Variants in SLC35E1 observed in about 807,000 individuals in gnomAD.
SLC35E1 encodes the protein solute carrier family 35, member E1.
A neutral mutation model predicts 31.0 loss-of-function variants in SLC35E1; 12 were observed. The ratio of observed to expected loss-of-function variants is 0.39; its 90% CI spans 0.25 to 0.63. The LOEUF is 0.63. Ranked by LOEUF, SLC35E1 falls within the 20% of genes least tolerant of loss-of-function variation. SLC35E1 has a pLI of 0.52. For missense variants in SLC35E1, 429 were observed against 572.2 expected (o/e 0.75, Z 2.55); for synonymous variants, 257 against 264.1 (o/e 0.97, Z 0.26).
Position 16,553,475 on chromosome 19 carries a change from T to C in SLC35E1, c.*204A>G, listed in dbSNP as rs1599761373. On this transcript the variant is annotated 3_prime_UTR_variant, in exon 6 of 6. Transcript: ENST00000595753. ...ATGAGACACTGGTCTCTGTTTAGGT[T>C]TGCCCAGAGCTCACGGCCGTCTGCA... 4.9e-6 allele frequency: 2 copies of C among 409,694 alleles called. No individual in the cohort carries two copies. The highest frequency in any genetic ancestry group is 7.4e-5 in the East Asian group (2 of 27,076). The allele number at this position is 409,694 out of a possible 1,614,324, so 25.4% of individuals were successfully genotyped here. A position where few individuals can be genotyped will look rare whatever the true frequency, so the allele number is the denominator to read the frequency against.
chr19:16,553,941 A>G, intron 5 of SLC35E1, 32 bp from the exon 6 acceptor site: 2 of 1,547,678 alleles, frequency 1.3e-6, no homozygotes, highest in Non-Finnish European at 1.8e-6. Flanking sequence ...GAGACAGGAC[A>G]TGCCCGGGGC....
At chr19:16,563,984 G>C (rs547945414) in intron 4 of SLC35E1, among the ~76,000 whole-genome samples, 1 of 152,334 alleles carries the variant, frequency 6.6e-6, no homozygotes, top group East Asian at 1.9e-4. Flanking sequence ...CAAAGATCTG[G>C]ACTGTTCAAC....
chr19:16,565,257 C>T (rs1235929989), intron 4 of SLC35E1: 2 of 397,356 alleles, frequency 5.0e-6, no homozygotes, highest in African/African-American at 2.1e-5. Context: ...GTTGCCCAGG[C>T]TGGAGTGCAG....
chr19:16,550,235 A>G lies in SLC35E1; in HGVS notation c.*3444T>C, dbSNP rs1290462300. ...CATGGTGAACAAACATGATTCAGAA[A>G]TGCCTCCTTCTATAAAATGAAGGAG... is the stretch of plus-strand genomic sequence containing the variant. On this transcript the variant is annotated 3_prime_UTR_variant, in exon 6 of 6. Coordinates refer to ENST00000595753, the MANE Select transcript of SLC35E1 (RefSeq NM_024881.5). 2 of 152,222 alleles carry G rather than the reference A, an allele frequency of 1.3e-5. No homozygotes were observed. The highest frequency in any genetic ancestry group is 4.8e-5 in the African/African-American group (2 of 41,448). The allele number at this position is 152,222 out of a possible 1,614,324, so 9.4% of individuals were successfully genotyped here.
Position 16,555,008 on chromosome 19 carries a change from G to T in SLC35E1, c.1002+144C>A. On this transcript the variant is annotated intron_variant, in intron 5 of 5. Transcript: ENST00000595753. The surrounding 1 kb of genome is among the most constrained non-coding windows in gnomAD (Gnocchi z 4.1). The stretch of plus-strand genomic sequence containing the variant: ...GAAAAAGGAAGCCAGAGTGGGATGG[G>T]GCTACGCCAAGATCATAAACCAGTC... 1.6e-6 allele frequency: 2 copies of T among 1,231,990 alleles called. No individual in the cohort carries two copies. The highest frequency in any genetic ancestry group is 2.2e-6 in the Non-Finnish European group (2 of 907,642). 76.3% of individuals were successfully genotyped at this position (1,231,990 alleles called of 1,614,324 possible). A position where few individuals can be genotyped will look rare whatever the true frequency, so the allele number is the denominator to read the frequency against.
Position 16,572,141 on chromosome 19 carries a change from G to C in SLC35E1, c.224C>G (p.Pro75Arg), listed in dbSNP as rs1248132587. 6.6e-7 allele frequency: 1 copy of C among 1,511,022 alleles called. No individual in the cohort carries two copies. Among genetic ancestry groups the C allele is most frequent in the African/African-American group, 1.5e-5 (1 of 68,546 alleles). The allele number at this position is 1,511,022 out of a possible 1,614,324, so 93.6% of individuals were successfully genotyped here. A position where few individuals can be genotyped will look rare whatever the true frequency, so the allele number is the denominator to read the frequency against. The change falls in exon 1 of 6, where the codon CCG (proline) becomes CGG (arginine). Residue 75 changes from proline to arginine, a missense_variant. Coordinates refer to ENST00000595753, the MANE Select transcript of SLC35E1 (RefSeq NM_024881.5). The surrounding 1 kb of genome is among the most constrained non-coding windows in gnomAD (Gnocchi z 4.1). ...GGGCACGCGCCAGGCGCGCAGCAGCGGCGGGAGCCCAGCGCACAGAGCCAG... is the reference window on the plus strand; with the variant it reads ...GGGCACGCGCCAGGCGCGCAGCAGCCGCGGGAGCCCAGCGCACAGAGCCAG... ...HILALCAGLP[P>R]LLRAWRVPPA...
chr19:16,557,528 G>A (rs964594580), intron 4 of SLC35E1, among the ~76,000 whole-genome samples: 2 of 152,140 alleles, frequency 1.3e-5, no homozygotes, highest in East Asian at 3.9e-4. Context: ...TCAATTCATG[G>A]AACCACCATG....
intron 2 of SLC35E1, 58 bp downstream of exon 2, chr19:16,571,454 G>C (rs575025154): frequency 6.3e-7 from 1 of 1,576,326 alleles, no homozygotes; most frequent in East Asian, 2.2e-5. Flanking sequence ...TCACCAGTTG[G>C]CAACAGGGAG....
At chr19:16,563,611 A>G (rs964600643) in intron 4 of SLC35E1, among the ~76,000 whole-genome samples, 1 of 152,100 alleles carries the variant, frequency 6.6e-6, no homozygotes, top group Admixed American at 6.6e-5. Context: ...CCTACCTAGT[A>G]GCTAGGATTA....
chr19:16,565,706 C>G (rs72479523), intron 4 of SLC35E1: 3,720 of 152,196 alleles, frequency 0.024, 132 homozygotes, highest in Admixed American at 0.084. Flanking sequence ...TTGGGAGAAA[C>G]AGGGTGTCAC....
At chr19:16,568,295 G>C in intron 2 of SLC35E1, 126 bp from the exon 3 acceptor site, 2 of 1,281,670 alleles carry the variant, frequency 1.6e-6, no homozygotes, top group Non-Finnish European at 1.0e-6. Context: ...CTTTGAAAGT[G>C]GTGTTTGCTG....
intron 1 of SLC35E1, 83 bp downstream of exon 1, chr19:16,571,861 C>G: frequency 7.2e-7 from 1 of 1,384,980 alleles, no homozygotes; most frequent in East Asian, 2.5e-5. Flanking sequence ...GGGACGCGCC[C>G]CGGGCGGCGC....
rs776830863 is a variant in SLC35E1, at chr19:16,555,673, G to A, written c.757-276C>T. Reference sequence around the variant, plus strand: ...GTCCCCAAAGGGCACCAAGCAAGACGTAAGCCAAAGCCTTCCCTGGCAGTG... The same window carrying A: ...GTCCCCAAAGGGCACCAAGCAAGACATAAGCCAAAGCCTTCCCTGGCAGTG... On this transcript the variant is annotated intron_variant, in intron 4 of 5. Transcript: ENST00000595753. The surrounding 1 kb of genome is among the most constrained non-coding windows in gnomAD (Gnocchi z 4.1). 2.4e-4 allele frequency: 100 copies of A among 425,242 alleles called. No individual in the cohort carries two copies. The highest frequency in any genetic ancestry group is 1.1e-3 in the East Asian group (25 of 21,852). The allele number at this position is 425,242 out of a possible 1,614,324, so 26.3% of individuals were successfully genotyped here. A position where few individuals can be genotyped will look rare whatever the true frequency, so the allele number is the denominator to read the frequency against.
intron 4 of SLC35E1, among the ~76,000 whole-genome samples, chr19:16,561,814 C>G (rs1286557076): frequency 2.6e-5 from 4 of 152,192 alleles, no homozygotes; most frequent in Non-Finnish European, 5.9e-5. Context: ...ATGTGGGAAC[C>G]CCATCTTCAG....
intron 2 of SLC35E1, among the ~76,000 whole-genome samples, chr19:16,570,568 C>T (rs1229970120): frequency 2.6e-5 from 4 of 152,090 alleles, no homozygotes; most frequent in Non-Finnish European, 4.4e-5. Context: ...CTATTCTTGC[C>T]CCAAGCCAGG....
At chr19:16,559,044 A>G (rs1371801652) in intron 4 of SLC35E1, among the ~76,000 whole-genome samples, 1 of 152,154 alleles carries the variant, frequency 6.6e-6, no homozygotes, top group Non-Finnish European at 1.5e-5. Context: ...CTGGGATTAC[A>G]GGCATGAGCC....
At chr19:16,559,796 T>C (rs1211065320) in intron 4 of SLC35E1, among the ~76,000 whole-genome samples, 1 of 152,216 alleles carries the variant, frequency 6.6e-6, no homozygotes, top group Admixed American at 6.5e-5. Flanking sequence ...ATCTGTATCA[T>C]TGCACTGTTG....
Position 16,572,200 on chromosome 19 carries a change from GA to G in SLC35E1, c.164del (p.Phe55SerfsTer5). The G allele has an allele frequency of 6.5e-7, 1 of 1,531,976 alleles. No homozygotes were observed. The highest frequency in any genetic ancestry group is 1.4e-5 in the African/African-American group (1 of 70,488). The allele number at this position is 1,531,976 out of a possible 1,614,324, so 94.9% of individuals were successfully genotyped here. On this transcript the variant is annotated frameshift_variant, in exon 1 of 6. Transcript: ENST00000595753. LOFTEE classifies it high-confidence loss of function. The surrounding 1 kb of genome is among the most constrained non-coding windows in gnomAD (Gnocchi z 4.1). ...NVVNKVILSAFPFPVTVSLCH... is the reference protein window; with the variant it reads ...NVVNKVILSAXPFPVTVSLCH... ...ACAGCGACACGGTCACCGGGAACGG[GA>G]AGGCGCTCAGGATCACCTTGTTGAC...
At chr19:16,558,893 C>T (rs1247478935) in intron 4 of SLC35E1, among the ~76,000 whole-genome samples, 1 of 151,184 alleles carries the variant, frequency 6.6e-6, no homozygotes, top group Non-Finnish European at 1.5e-5. Flanking sequence ...CCTCAGCCTT[C>T]TGAGTAGCTG....
Sources: allele counts gnomAD v4.1 joint callset (sites outside exome capture counted in the v4.1 genomes callset), GRCh38; gene constraint gnomAD v4.1.1; non-coding constraint Gnocchi (gnomAD v3.1); transcripts MANE v1.5; gene names NCBI Gene and HGNC (gene_info 2026-07-23, HGNC 2026-07-21).